IK: variants seen among roughly 807,000 people sequenced by gnomAD.
IK encodes the protein IK cytokine, also known as protein Red.
Under a neutral mutation model 90.9 loss-of-function variants are expected in IK, and 47 were observed. The observed-to-expected ratio is 0.52, with a 90% CI of 0.41 to 0.66. IK has a LOEUF of 0.66. Among genes scored for constraint, IK ranks in the 30% least tolerant of loss-of-function variants. IK has a pLI of 0.00. For missense variants in IK, 385 were observed against 709.3 expected (o/e 0.54, Z 5.19); for synonymous variants, 201 against 227.5 (o/e 0.88, Z 1.05).
intron 2 of IK, chr5:140,648,746 T>G (rs1372797453): frequency 5.4e-6 from 3 of 555,028 alleles, no homozygotes; most frequent in Non-Finnish European, 9.6e-6. Flanking sequence ...GTTAAGTTTT[T>G]TTTTTTTTTT....
At chr5:140,648,422 A>T (rs770093530) in intron 1 of IK, 49 bp from the exon 2 acceptor site, 1 of 1,561,860 alleles carries the variant, frequency 6.4e-7, no homozygotes. Context: ...TTTGCATAGG[A>T]TCTGACACGT....
chr5:140,654,422 A>G (rs765375069), intron 6 of IK, 94 bp from the exon 7 acceptor site: 433 of 957,346 alleles, frequency 4.5e-4, no homozygotes, highest in Admixed American at 6.1e-4. Context: ...GTCATGTTTA[A>G]TATTATATTC....
Position 140,649,182 on chromosome 5 carries a change from C to CT in IK, c.83+656dup, listed in dbSNP as rs980936785. 7.6e-3 allele frequency among the ~76,000 whole-genome samples: 1,091 copies of CT among 143,050 alleles called. 10 individuals carry two copies. Among genetic ancestry groups the CT allele is most frequent in the African/African-American group, 0.027 (1,033 of 38,178 alleles). 93.8% of individuals were successfully genotyped at this position (143,050 alleles called of 152,430 possible). Reference sequence around the variant, plus strand: ...TAACATCCCCAATTCCAGTCCATTTCTTTTTTTTTTTCTTTTCTTTTCTTT... The same window carrying CT: ...TAACATCCCCAATTCCAGTCCATTTCTTTTTTTTTTTTCTTTTCTTTTCTTT... On this transcript the variant is annotated intron_variant, in intron 2 of 19. Coordinates refer to ENST00000417647, the MANE Select transcript of IK (RefSeq NM_006083.4).
chr5:140,647,871 G>A lies in IK; in HGVS notation c.-38G>A, dbSNP rs377007416. ...TTGTCGCTGCGGTGTTGCTGTTGGA[G>A]ACTCGATTGTTGGTGACAGCGAAAG... is the stretch of plus-strand genomic sequence containing the variant. On this transcript the variant is annotated 5_prime_UTR_variant, in exon 1 of 20. Coordinates refer to ENST00000417647, the MANE Select transcript of IK (RefSeq NM_006083.4). 415 of 1,613,564 alleles carry A rather than the reference G, an allele frequency of 2.6e-4. 3 individuals are homozygous for A. The South Asian group carries it at 4.3e-3, about 17-fold the overall frequency.
intron 16 of IK, 123 bp downstream of exon 16, chr5:140,660,938 A>G: frequency 1.4e-6 from 1 of 695,964 alleles, no homozygotes; most frequent in Non-Finnish European, 2.6e-6. Flanking sequence ...TAGCTGCAGC[A>G]GTAGAAACAG....
At position 140,650,464 on chromosome 5, in the gene IK, T is replaced by G. The variant is rs571332466; in HGVS notation, c.84-1250T>G. On this transcript the variant is annotated intron_variant, in intron 2 of 19. Coordinates refer to ENST00000417647, the MANE Select transcript of IK (RefSeq NM_006083.4). Reference sequence around the variant, plus strand: ...AGAGGAGTCTTTGTTAGTGTACCAATTAAAATAATCTCTTGTACCATTAGT... The same window carrying G: ...AGAGGAGTCTTTGTTAGTGTACCAAGTAAAATAATCTCTTGTACCATTAGT... 2.6e-5 allele frequency among the ~76,000 whole-genome samples: 4 copies of G among 152,360 alleles called. No homozygotes were observed. In the South Asian group the frequency reaches 8.3e-4, roughly 32 times the overall value.
intron 6 of IK, 47 bp downstream of exon 6, chr5:140,654,099 C>G (rs779587204): frequency 9.4e-7 from 1 of 1,060,996 alleles, no homozygotes; most frequent in South Asian, 1.3e-5. Context: ...GTGCTGAATG[C>G]TCTTGTATGG....
At chr5:140,650,523 G>A (rs1343315547) in intron 2 of IK, among the ~76,000 whole-genome samples, 1 of 152,162 alleles carries the variant, frequency 6.6e-6, no homozygotes, top group Non-Finnish European at 1.5e-5. Flanking sequence ...CACCATCATA[G>A]TTTAGTCAGT....
At position 140,659,177 on chromosome 5, in the gene IK, C is replaced by T. The variant is rs1202288134; in HGVS notation, c.1176+13C>T. ...AGTAGATGATGAGGTGAGATGTGGG[C>T]CCTTAGTACCAGGTGATGGAGTTGC... On this transcript the variant is annotated intron_variant, in intron 12 of 19. Transcript: ENST00000417647. 1 of 1,589,560 alleles carries T rather than the reference C, an allele frequency of 6.3e-7. No homozygotes were observed. The highest frequency in any genetic ancestry group is 1.1e-5 in the South Asian group (1 of 88,756).
At position 140,652,994 on chromosome 5, in the gene IK, G is replaced by T; in HGVS notation, c.254G>T (p.Arg85Leu). Residue 85 changes from arginine (R) to leucine (L), a missense_variant, in exon 5 of 20, where the codon CGC becomes CTC. Around this residue, in one of 8 missense-constraint regions of IK, gnomAD observed 64 missense variants for 144.6 expected, o/e 0.44. Transcript: ENST00000417647. ...GGTCACAGTTATTATGCCAAGCTAC[G>T]CCAACAAGAAATTGAGAGAGAGAGA... Reference protein sequence around the residue: ...RKKKSYYAKLRQQEIEREREL... With the variant: ...RKKKSYYAKLLQQEIEREREL... 6.2e-7 allele frequency: 1 copy of T among 1,613,572 alleles called. No individual in the cohort carries two copies. The highest frequency in any genetic ancestry group is 8.5e-7 in the Non-Finnish European group (1 of 1,179,840).
chr5:140,654,454 T>G (rs1757671801), intron 6 of IK, 62 bp from the exon 7 acceptor site: 1 of 1,203,122 alleles, frequency 8.3e-7, no homozygotes, highest in African/African-American at 1.5e-5. Flanking sequence ...TACAGTGTGG[T>G]GTAGTGGATG....
At chr5:140,651,310 G>C (rs578134406) in intron 2 of IK, among the ~76,000 whole-genome samples, 6 of 151,980 alleles carry the variant, frequency 3.9e-5, no homozygotes, top group African/African-American at 1.2e-4. Context: ...GTGTTGGCGG[G>C]CACCTGTATT....
In IK at chr5:140,661,559, T is replaced by C. The variant is rs1757802780; in HGVS notation, c.1414-61T>C. On this transcript the variant is annotated intron_variant, in intron 16 of 19. Transcript: ENST00000417647. The surrounding 1 kb of genome is among the most constrained non-coding windows in gnomAD (Gnocchi z 4.2). ...GGAGAGTCTGGCTTCAATCAAGGGCTGAAATTCCATTTCCACTGACATCTC... is the reference window on the plus strand; with the variant it reads ...GGAGAGTCTGGCTTCAATCAAGGGCCGAAATTCCATTTCCACTGACATCTC... 3 of 1,168,078 alleles carry C rather than the reference T, an allele frequency of 2.6e-6. No individual in the cohort carries two copies. In the South Asian group the frequency reaches 4.0e-5, roughly 16 times the overall value. The allele number at this position is 1,168,078 out of a possible 1,614,324, so 72.4% of individuals were successfully genotyped here.
intron 9 of IK, 96 bp from the exon 10 acceptor site, chr5:140,657,458 A>G (rs1291089784): frequency 3.9e-5 from 33 of 845,626 alleles, no homozygotes; most frequent in Non-Finnish European, 6.1e-5. Context: ...CACCTACTGT[A>G]TTGTAATTCA....
chr5:140,650,199 T>G (rs1757590774), intron 2 of IK, among the ~76,000 whole-genome samples: 1 of 152,256 alleles, frequency 6.6e-6, no homozygotes, highest in Non-Finnish European at 1.5e-5. Context: ...GTATTCGGAA[T>G]TAAGTTCAGT....
Position 140,661,888 on chromosome 5 carries a change from G to A in IK, c.1503-11G>A. ...ATCTCTGATGCATTCTTTCCCAACTGCTTTTTTCAGGGCTGCATTCCAGTA... is the reference window on the plus strand; with the variant it reads ...ATCTCTGATGCATTCTTTCCCAACTACTTTTTTCAGGGCTGCATTCCAGTA... On this transcript the variant is annotated splice_polypyrimidine_tract_variant and intron_variant, in intron 17 of 19. Coordinates refer to ENST00000417647, the MANE Select transcript of IK (RefSeq NM_006083.4). This position sits in a 1 kb window ranked among gnomAD's most constrained non-coding sequence, Gnocchi z 4.2. 1 of 1,598,950 alleles carries A rather than the reference G, an allele frequency of 6.3e-7. No individual in the cohort carries two copies. The highest frequency in any genetic ancestry group is 8.5e-7 in the Non-Finnish European group (1 of 1,172,092).
chr5:140,653,572 C>T (rs920974766), intron 5 of IK, among the ~76,000 whole-genome samples: 15 of 151,406 alleles, frequency 9.9e-5, no homozygotes, highest in East Asian at 1.9e-4. Flanking sequence ...CGTGAGCCAC[C>T]GCACCTGGCC....
In IK at chr5:140,659,787, C is replaced by A; in HGVS notation, c.1227C>A (p.Ser409=). Residue 409 remains serine (S), a synonymous_variant, in exon 14 of 20, where the codon TCC becomes TCA. Transcript: ENST00000417647. ...GGTCTACCAAGGAGTTGATCAAGTCCATCAATGAAAAGTTTGCTGGGTCTG... is the reference window on the plus strand; with the variant it reads ...GGTCTACCAAGGAGTTGATCAAGTCAATCAATGAAAAGTTTGCTGGGTCTG... ...GPGSTKELIK[S]INEKFAGSAG... is the part of the protein sequence containing the mutation. 6.2e-7 allele frequency: 1 copy of A among 1,600,584 alleles called. No homozygotes were observed. Among genetic ancestry groups the A allele is most frequent in the Non-Finnish European group, 8.5e-7 (1 of 1,173,292 alleles).
rs911398655 is a variant in IK, at chr5:140,658,857, G to C, written c.950+81G>C. ...GTGTCTGGCATTTTGGGGAGGTGCTGACATGAGAATCTGGAGAAATGGTCA... is the reference window on the plus strand; with the variant it reads ...GTGTCTGGCATTTTGGGGAGGTGCTCACATGAGAATCTGGAGAAATGGTCA... On this transcript the variant is annotated intron_variant, in intron 11 of 19. Coordinates refer to ENST00000417647, the MANE Select transcript of IK (RefSeq NM_006083.4). 5 of 1,598,968 alleles carry C rather than the reference G, an allele frequency of 3.1e-6. No homozygotes were observed. In the African/African-American group the frequency reaches 5.4e-5, roughly 17 times the overall value.
Sources: allele counts gnomAD v4.1 joint callset (sites outside exome capture counted in the v4.1 genomes callset), GRCh38; gene constraint gnomAD v4.1.1; regional missense constraint gnomAD v4.1.1; non-coding constraint Gnocchi (gnomAD v3.1); transcripts MANE v1.5; gene names NCBI Gene and HGNC (gene_info 2026-07-23, HGNC 2026-07-21).